The following TRIM35 variants were observed in gnomAD, a reference collection of about 807,000 sequenced individuals.
The protein encoded by TRIM35 is tripartite motif containing 35, also known as E3 ubiquitin-protein ligase TRIM35.
A neutral mutation model predicts 49.1 loss-of-function variants in TRIM35; 37 were observed. The ratio of observed to expected loss-of-function variants is 0.75; its 90% CI spans 0.58 to 0.99. The LOEUF (loss-of-function observed/expected upper bound fraction) is 0.99. TRIM35 is among the 50% of genes least tolerant of loss of function. TRIM35 has a pLI of 0.00. For missense variants in TRIM35, 648 were observed against 702.7 expected, an observed-to-expected ratio of 0.92 and a Z score of 0.88; for synonymous variants, 302 against 289.3, an observed-to-expected ratio of 1.04 and a Z score of -0.45.
chr8:27,289,432 C>A, intron 4 of TRIM35, 152 bp from the exon 5 acceptor site: 1 of 636,678 alleles, frequency 1.6e-6, no homozygotes, highest in South Asian at 1.9e-5. Flanking sequence ...GACTGGGCTA[C>A]GATGGGAGAT....
chr8:27,289,089 A>T, intron 5 of TRIM35, 73 bp downstream of exon 5: 1 of 1,278,370 alleles, frequency 7.8e-7, no homozygotes, highest in Non-Finnish European at 1.1e-6. Flanking sequence ...GGCAGAGACC[A>T]GCCCTGGTGC....
intron 3 of TRIM35, among the ~76,000 whole-genome samples, chr8:27,290,562 G>T (rs1802432541): frequency 6.6e-6 from 1 of 152,176 alleles, no homozygotes; most frequent in South Asian, 2.1e-4. Context: ...CACACCAAAT[G>T]CCAGAGCCAT....
Position 27,289,195 on chromosome 8 carries a change from C to T in TRIM35, c.871G>A (p.Val291Ile), listed in dbSNP as rs761203689. ...ACAGATGCAAGCATCTTCTTCCAGA[C>T]GCGGTACTGCAGGGAGCCCAGGTAC... The part of the protein sequence containing the change: ...CKYLGSLQYR[V>I]WKKMLASVES... The change falls in exon 5 of 6, where the codon GTC (valine) becomes ATC (isoleucine). Residue 291 changes from valine (V) to isoleucine (I), a missense_variant. Coordinates refer to ENST00000305364, the MANE Select transcript of TRIM35 (RefSeq NM_171982.5). 8.7e-6 allele frequency: 14 copies of T among 1,614,072 alleles called. No homozygotes were observed. Among genetic ancestry groups the T allele is most frequent in the East Asian group, 6.7e-5 (3 of 44,876 alleles).
intron 3 of TRIM35, among the ~76,000 whole-genome samples, chr8:27,291,500 C>A (rs1420733405): frequency 6.6e-6 from 1 of 152,148 alleles, no homozygotes; most frequent in East Asian, 1.9e-4. Flanking sequence ...AGCAGTTCTT[C>A]CAATAGTTAA....
intron 1 of TRIM35, among the ~76,000 whole-genome samples, chr8:27,309,669 T>C (rs1024818723): frequency 6.6e-6 from 1 of 152,022 alleles, no homozygotes; most frequent in African/African-American, 2.4e-5. Flanking sequence ...ATTCAATGTT[T>C]CACATTCTGG....
At chr8:27,297,288 A>G (rs1412424994) in intron 2 of TRIM35, among the ~76,000 whole-genome samples, 2 of 152,210 alleles carry the variant, frequency 1.3e-5, no homozygotes, top group African/African-American at 4.8e-5. Flanking sequence ...AGCTGTGGCT[A>G]AGATGAGTCT....
chr8:27,301,162 C>G (rs1004040324), intron 1 of TRIM35, among the ~76,000 whole-genome samples: 4 of 152,214 alleles, frequency 2.6e-5, no homozygotes, highest in Non-Finnish European at 5.9e-5. Context: ...CAAGCAGTTA[C>G]TATTAAGCAT....
chr8:27,287,966 G>A lies in TRIM35; in HGVS notation c.1066C>T (p.His356Tyr), dbSNP rs1802370221. The A allele has an allele frequency of 6.2e-7, 1 of 1,613,180 alleles. No homozygotes were observed. Among genetic ancestry groups the A allele is most frequent in the Non-Finnish European group, 8.5e-7 (1 of 1,179,936 alleles). Residue 356 changes from histidine (H) to tyrosine (Y), a missense_variant, in exon 6 of 6, where the codon CAC becomes TAC. Transcript: ENST00000305364. The surrounding 1 kb of genome is among the most constrained non-coding windows in gnomAD (Gnocchi z 6.0). ...LGSRVFSQGS[H>Y]AWEVALGGLQ... Reference sequence around the variant, plus strand: ...CCCCCAAGGGCCACCTCCCAGGCGTGCGAGCCCTGTGAGAAGACACGGGAG... The same window carrying A: ...CCCCCAAGGGCCACCTCCCAGGCGTACGAGCCCTGTGAGAAGACACGGGAG...
In TRIM35 at chr8:27,289,207, G is replaced by A. The variant is rs910157963; in HGVS notation, c.859C>T (p.Leu287=). The A allele has an allele frequency of 3.1e-6, 5 of 1,614,046 alleles. No homozygotes were observed. In the African/African-American group the frequency reaches 6.7e-5, roughly 22 times the overall value. ...ATCTTCTTCCAGACGCGGTACTGCA[G>A]GGAGCCCAGGTACTTGCAGACATCG... The part of the protein sequence containing the change: ...LIDVCKYLGS[L]QYRVWKKMLA... Residue 287 remains leucine (L), a synonymous_variant, in exon 5 of 6, where the codon CTG becomes TTG. Transcript: ENST00000305364.
chr8:27,303,813 C>T (rs1052872710), intron 1 of TRIM35, among the ~76,000 whole-genome samples: 3 of 152,186 alleles, frequency 2.0e-5, no homozygotes, highest in African/African-American at 2.4e-5. Context: ...CTTGCCTCAG[C>T]CTCCCAAGTA....
Position 27,288,133 on chromosome 8 carries a change from A to T in TRIM35, c.905-6T>A. On this transcript the variant is annotated splice_region_variant and splice_polypyrimidine_tract_variant and intron_variant, in intron 5 of 5. Transcript: ENST00000305364. ...GGGGTCAAAGCTGAAGGGTACTGCAAGCAGAGGCGGAAATGGGGAATCAGC... is the reference window on the plus strand; with the variant it reads ...GGGGTCAAAGCTGAAGGGTACTGCATGCAGAGGCGGAAATGGGGAATCAGC... 6.3e-7 allele frequency: 1 copy of T among 1,595,324 alleles called. No homozygotes were observed. The highest frequency in any genetic ancestry group is 8.5e-7 in the Non-Finnish European group (1 of 1,174,440).
At chr8:27,290,081 CG>C in intron 4 of TRIM35, 74 bp downstream of exon 4, 1 of 1,572,494 alleles carries the variant, frequency 6.4e-7, no homozygotes, top group Non-Finnish European at 8.7e-7. Context: ...CTGCTTGCCC[CG>C]GGGCCACTGG....
intron 1 of TRIM35, among the ~76,000 whole-genome samples, chr8:27,301,198 T>A (rs1802675867): frequency 6.6e-6 from 1 of 152,252 alleles, no homozygotes; most frequent in South Asian, 2.1e-4. Flanking sequence ...CACTAAATTA[T>A]GCACTTTACA....
chr8:27,288,080 A>T lies in TRIM35; in HGVS notation c.952T>A (p.Ser318Thr). Reference sequence around the variant, plus strand: ...TTGGTGACGCTGGTGAGGTCGTCAGACACGGAGAGCCAGCCAGCTGCGGTG... The same window carrying T: ...TTGGTGACGCTGGTGAGGTCGTCAGTCACGGAGAGCCAGCCAGCTGCGGTG... ...PNTAAGWLSV[S>T]DDLTSVTNHG... Residue 318 changes from serine to threonine, a missense_variant, in exon 6 of 6, where the codon TCT (serine) becomes ACT (threonine). Physicochemically the swap from Ser to Thr is moderately conservative, Grantham distance 58 (BLOSUM62 1). Transcript: ENST00000305364. 1 of 1,611,944 alleles carries T rather than the reference A, an allele frequency of 6.2e-7. No individual in the cohort carries two copies. The highest frequency in any genetic ancestry group is 8.5e-7 in the Non-Finnish European group (1 of 1,179,952).
At chr8:27,310,380 C>T (rs1039404991) in intron 1 of TRIM35, among the ~76,000 whole-genome samples, 2 of 152,200 alleles carry the variant, frequency 1.3e-5, no homozygotes, top group Admixed American at 6.5e-5. Context: ...AATCTTAAGA[C>T]TCCACACCCC....
At chr8:27,309,368 G>A (rs1158392078) in intron 1 of TRIM35, among the ~76,000 whole-genome samples, 3 of 152,196 alleles carry the variant, frequency 2.0e-5, no homozygotes, top group Non-Finnish European at 4.4e-5. Context: ...ATGGACCCAT[G>A]TTAAACAAAA....
At chr8:27,295,466 C>G (rs1802546668) in intron 2 of TRIM35, among the ~76,000 whole-genome samples, 1 of 152,098 alleles carries the variant, frequency 6.6e-6, no homozygotes, top group South Asian at 2.1e-4. Context: ...CCCAATAAAC[C>G]CATCATAAGT....
At chr8:27,304,857 C>T (rs1451042285) in intron 1 of TRIM35, 1 of 453,436 alleles carries the variant, frequency 2.2e-6, no homozygotes, top group Non-Finnish European at 4.4e-6. Context: ...CTCTCTTCGG[C>T]TATCAGGCTC....
At chr8:27,300,500 A>C (rs1802661277) in intron 1 of TRIM35, among the ~76,000 whole-genome samples, 1 of 152,114 alleles carries the variant, frequency 6.6e-6, no homozygotes, top group Non-Finnish European at 1.5e-5. Context: ...CCAATTCCTG[A>C]CCCAAAGAAA....
Sources: allele counts gnomAD v4.1 joint callset (sites outside exome capture counted in the v4.1 genomes callset), GRCh38; gene constraint gnomAD v4.1.1; non-coding constraint Gnocchi (gnomAD v3.1); transcripts MANE v1.5; gene names NCBI Gene and HGNC (gene_info 2026-07-23, HGNC 2026-07-21).